ANO4: variants seen among roughly 807,000 people sequenced by gnomAD.
ANO4 encodes the protein anoctamin-4.
A neutral mutation model predicts 141.9 loss-of-function variants in ANO4; 69 were observed. The observed-to-expected ratio is 0.49, with a 90% CI of 0.40 to 0.59. The LOEUF (loss-of-function observed/expected upper bound fraction) is 0.59, where lower values mean the gene tolerates loss of function less well. Among genes scored for constraint, ANO4 ranks in the 20% least tolerant of loss-of-function variants. The pLI is 0.00. For synonymous variants in ANO4, 350 were observed against 394.3 expected, an observed-to-expected ratio of 0.89 and a Z score of 1.33; for missense variants, 894 against 1,162.2, an observed-to-expected ratio of 0.77 and a Z score of 3.36.
intron 1 of ANO4, among the ~76,000 whole-genome samples, chr12:100,820,420 G>A (rs1160402644): frequency 1.3e-5 from 2 of 150,308 alleles, no homozygotes; most frequent in Non-Finnish European, 2.9e-5. Flanking sequence ...AATTGACAGA[G>A]CACAAGCAGG....
At chr12:100,725,641 C>A (rs149559670) in intron 1 of ANO4, among the ~76,000 whole-genome samples, 1 of 152,102 alleles carries the variant, frequency 6.6e-6, no homozygotes, top group African/African-American at 2.4e-5. Context: ...CCACCACACC[C>A]GGCCGGAAAT....
chr12:101,081,975 A>G (rs2049299782), intron 15 of ANO4, among the ~76,000 whole-genome samples: 2 of 152,162 alleles, frequency 1.3e-5, no homozygotes, highest in Non-Finnish European at 2.9e-5. Context: ...ACATATGGTC[A>G]CATTCAGTAC....
At chr12:100,773,822 T>C (rs561158759) in intron 3 of ANO4, among the ~76,000 whole-genome samples, 1 of 152,332 alleles carries the variant, frequency 6.6e-6, no homozygotes, top group South Asian at 2.1e-4. Flanking sequence ...AAATAACCTC[T>C]ATTGTGATGC....
intron 8 of ANO4, among the ~76,000 whole-genome samples, chr12:100,990,974 A>T (rs1449627319): frequency 1.3e-5 from 2 of 152,126 alleles, no homozygotes; most frequent in African/African-American, 4.8e-5. Context: ...AAAGAGAGTG[A>T]TCAATGGAAG....
At chr12:100,934,591 T>TA (rs1346027984) in intron 3 of ANO4, among the ~76,000 whole-genome samples, 1 of 152,104 alleles carries the variant, frequency 6.6e-6, no homozygotes, top group Non-Finnish European at 1.5e-5. Flanking sequence ...TTTGGTTCCA[T>TA]ATGAACTTTA....
At position 100,848,556 on chromosome 12, in the gene ANO4, C is replaced by A. The variant is rs532389887; in HGVS notation, c.-140-53090C>A. ...TTTGGAAACTACTGTTTGGGAATCC[C>A]AAATGCTTGAAACCCTTTGTGAGTC... On this transcript the variant is annotated intron_variant, in intron 1 of 27. Transcript: ENST00000392977. Among the ~76,000 whole-genome samples the A allele has an allele frequency of 2.2e-4, 33 of 152,288 alleles. No individual in the cohort carries two copies. The East Asian group carries it at 3.9e-3, about 18-fold the overall frequency.
At chr12:100,845,125 T>G (rs2037490495) in intron 1 of ANO4, among the ~76,000 whole-genome samples, 1 of 152,176 alleles carries the variant, frequency 6.6e-6, no homozygotes, top group African/African-American at 2.4e-5. Flanking sequence ...GAAGTCATTG[T>G]GCTGTAAGCA....
At chr12:101,005,823 GT>G (rs1293626610) in intron 8 of ANO4, among the ~76,000 whole-genome samples, 3 of 152,126 alleles carry the variant, frequency 2.0e-5, no homozygotes, top group Non-Finnish European at 4.4e-5. Flanking sequence ...TTGGTGGGAA[GT>G]TTTCCCAATT....
intron 8 of ANO4, among the ~76,000 whole-genome samples, chr12:100,995,902 G>T (rs138944814): frequency 6.6e-6 from 1 of 152,172 alleles, no homozygotes; most frequent in Non-Finnish European, 1.5e-5. Flanking sequence ...TTACCGCTGG[G>T]GGACAGAGCC....
chr12:100,768,656 G>T (rs562032620), intron 3 of ANO4, among the ~76,000 whole-genome samples: 1 of 151,982 alleles, frequency 6.6e-6, no homozygotes, highest in African/African-American at 2.4e-5. Context: ...TGTATTTGTT[G>T]AATTTAATTG....
chr12:100,791,640 A>G (rs1225527157), upstream of ANO4, among the ~76,000 whole-genome samples: 1 of 152,084 alleles, frequency 6.6e-6, no homozygotes, highest in Non-Finnish European at 1.5e-5. Flanking sequence ...AGGGTCCTCT[A>G]TTGTCTCATA....
At chr12:100,738,272 T>C (rs989138775) in intron 2 of ANO4, among the ~76,000 whole-genome samples, 11 of 152,166 alleles carry the variant, frequency 7.2e-5, no homozygotes, top group Non-Finnish European at 1.6e-4. Context: ...ACATTTCTAT[T>C]CTTTGCCCCG....
chr12:100,957,868 C>A (rs576469592), intron 5 of ANO4, among the ~76,000 whole-genome samples: 1 of 152,210 alleles, frequency 6.6e-6, no homozygotes, highest in East Asian at 1.9e-4. Flanking sequence ...ACTAAGACAT[C>A]ATTTTTATAT....
chr12:100,889,441 C>T (rs1458038959), intron 1 of ANO4, among the ~76,000 whole-genome samples: 2 of 152,202 alleles, frequency 1.3e-5, no homozygotes, highest in Non-Finnish European at 2.9e-5. Context: ...TTCTAGATCC[C>T]TGAGGAATCG....
At chr12:100,987,791 A>C (rs143833747) in intron 8 of ANO4, 121 bp downstream of exon 8, 19 of 1,384,284 alleles carry the variant, frequency 1.4e-5, no homozygotes, top group Admixed American at 2.3e-5. Context: ...TTCTCCCCTA[A>C]AAGTCTTGTG....
intron 5 of ANO4, among the ~76,000 whole-genome samples, chr12:100,947,646 C>T (rs1234653636): frequency 6.6e-6 from 1 of 152,110 alleles, no homozygotes; most frequent in Non-Finnish European, 1.5e-5. Context: ...GGTGCACAGT[C>T]GAGGTTGAAT....
Position 100,907,666 on chromosome 12 carries a change from G to A in ANO4, c.55+5826G>A, listed in dbSNP as rs184592994. On this transcript the variant is annotated intron_variant, in intron 2 of 27. Coordinates refer to ENST00000392977, the MANE Select transcript of ANO4 (RefSeq NM_001286615.2). ...GGTTAGCATTCTGAAGTTATATGGC[G>A]TAAATCTTAACTCTTCTTTCATATG... Among the ~76,000 whole-genome samples the A allele has an allele frequency of 1.8e-4, 28 of 152,278 alleles. No individual in the cohort carries two copies. The East Asian group carries it at 2.3e-3, about 13-fold the overall frequency.
At chr12:101,121,753 CTTTTTTTTT>C (rs71091478) in intron 26 of ANO4, among the ~76,000 whole-genome samples, 24 of 110,424 alleles carry the variant, frequency 2.2e-4, no homozygotes, top group Non-Finnish European at 3.4e-4. Flanking sequence ...AATTTGTTTA[CTTTTTTTTT>C]TTTTTTTTTT....
chr12:101,035,651 A>C (rs2047163519), intron 9 of ANO4, among the ~76,000 whole-genome samples: 1 of 152,240 alleles, frequency 6.6e-6, no homozygotes. Flanking sequence ...ATGCAGAGGC[A>C]TTAGGTTTGT....
Sources: allele counts gnomAD v4.1 joint callset (sites outside exome capture counted in the v4.1 genomes callset), GRCh38; gene constraint gnomAD v4.1.1; transcripts MANE v1.5; gene names NCBI Gene and HGNC (gene_info 2026-07-23, HGNC 2026-07-21).